RBFOX1: variants seen among roughly 807,000 people sequenced by gnomAD.
The protein encoded by RBFOX1 is RNA binding fox-1 homolog 1.
In RBFOX1, 8 loss-of-function variants were observed where a neutral mutation model predicts 57.7. That is an observed-to-expected ratio of 0.14 (90% CI 0.08 to 0.25). RBFOX1 has a LOEUF of 0.25. Among genes scored for constraint, RBFOX1 ranks in the 10% least tolerant of loss-of-function variants. The pLI is 1.00. For synonymous variants in RBFOX1, 326 were observed against 222.4 expected (o/e 1.47, Z -4.15); for missense variants, 611 against 548.5 (o/e 1.11, Z -1.14).
At chr16:6,201,825 TAAAGA>T (rs1297963991) in intron 1 of RBFOX1, among the ~76,000 whole-genome samples, 3 of 152,124 alleles carry the variant, frequency 2.0e-5, no homozygotes, top group African/African-American at 7.2e-5. Context: ...TAATTAAAAA[TAAAGA>T]AAATTTTTAA....
chr16:5,810,386 A>G (rs2055379374), intron 3 of RBFOX1, among the ~76,000 whole-genome samples: 1 of 152,186 alleles, frequency 6.6e-6, no homozygotes, highest in African/African-American at 2.4e-5. Context: ...GAGGCCTCAG[A>G]ATAAACCAAT....
chr16:7,671,501 CTCTTT>C lies in RBFOX1; in HGVS notation c.931-5271_931-5267del, dbSNP rs574397945. ...CTGGAATTTGTCTGACTTATGCATTCTCTTTTATTTATTTCATTTTTGCATTGAAA... is the reference window on the plus strand; with the variant it reads ...CTGGAATTTGTCTGACTTATGCATTCTATTTATTTCATTTTTGCATTGAAA... On this transcript the variant is annotated intron_variant, in intron 13 of 15. Transcript: ENST00000550418. 8,770 of 1,484,264 alleles carry C rather than the reference CTCTTT, an allele frequency of 5.9e-3. 46 individuals carry two copies. The highest frequency in any genetic ancestry group is 7.3e-3 in the Non-Finnish European group (7,837 of 1,069,072). 91.9% of individuals were successfully genotyped at this position (1,484,264 alleles called of 1,614,324 possible). A position where few individuals can be genotyped will look rare whatever the true frequency, so the allele number is the denominator to read the frequency against.
intron 4 of RBFOX1, among the ~76,000 whole-genome samples, chr16:5,926,690 G>C (rs972280411): frequency 1.3e-5 from 2 of 152,162 alleles, no homozygotes; most frequent in East Asian, 1.9e-4. Flanking sequence ...TGAAGACTTG[G>C]GGTCTGCAAA....
intron 4 of RBFOX1, among the ~76,000 whole-genome samples, chr16:7,477,679 G>A (rs1459014101): frequency 6.6e-6 from 1 of 152,168 alleles, no homozygotes; most frequent in East Asian, 1.9e-4. Context: ...CACTGCATTG[G>A]TTTTAATTCC....
intron 3 of RBFOX1, among the ~76,000 whole-genome samples, chr16:6,679,878 G>GGTTTTTTT (rs1487919870): frequency 4.4e-5 from 5 of 114,304 alleles, no homozygotes; most frequent in African/African-American, 1.9e-4. Context: ...GTTTCTACTT[G>GGTTTTTTT]TTTTTTTTTT....
At chr16:6,727,432 T>C (rs2067495158) in intron 3 of RBFOX1, among the ~76,000 whole-genome samples, 1 of 152,116 alleles carries the variant, frequency 6.6e-6, no homozygotes, top group Non-Finnish European at 1.5e-5. Context: ...TTTCTTTTTT[T>C]CCTTCATATT....
intron 4 of RBFOX1, among the ~76,000 whole-genome samples, chr16:5,913,198 C>A (rs1352103459): frequency 6.6e-6 from 1 of 152,204 alleles, no homozygotes; most frequent in Non-Finnish European, 1.5e-5. Flanking sequence ...GAAAGCCACA[C>A]ACGGGTGCAT....
At chr16:5,982,276 T>A (rs1056967729) in intron 4 of RBFOX1, among the ~76,000 whole-genome samples, 1 of 152,092 alleles carries the variant, frequency 6.6e-6, no homozygotes, top group Non-Finnish European at 1.5e-5. Context: ...CATGAATTTT[T>A]TTTTTTCTTT....
At position 5,712,591 on chromosome 16, in the gene RBFOX1, A is replaced by T. The variant is rs1188227581; in HGVS notation, c.318+113630A>T. On this transcript the variant is annotated intron_variant, in intron 3 of 19. Transcript: ENST00000641259. ...TCATCTATGAGCTCACTTAATTCCC[A>T]TAACAGGTAGGTGACTTATGTGTTA... 2.0e-5 allele frequency among the ~76,000 whole-genome samples: 3 copies of T among 150,322 alleles called. No homozygotes were observed. In the Admixed American group the frequency reaches 2.0e-4, roughly 10 times the overall value.
At chr16:5,368,540 A>G (rs35201075) in intron 1 of RBFOX1, among the ~76,000 whole-genome samples, 26,238 of 152,158 alleles carry the variant, frequency 0.17, 2,667 homozygotes, top group Non-Finnish European at 0.22. Context: ...ATATTGGGTA[A>G]TCTAATTCTG....
At chr16:6,480,521 CTATT>C (rs1381782157) in intron 2 of RBFOX1, among the ~76,000 whole-genome samples, 12 of 152,174 alleles carry the variant, frequency 7.9e-5, no homozygotes, top group Non-Finnish European at 1.5e-4. Flanking sequence ...CTTTTAAAAA[CTATT>C]TAAAGTATCA....
chr16:7,204,344 A>G (rs1375502944), intron 4 of RBFOX1, among the ~76,000 whole-genome samples: 1 of 152,176 alleles, frequency 6.6e-6, no homozygotes, highest in Non-Finnish European at 1.5e-5. Flanking sequence ...TAGCATTCCC[A>G]TATTTATAAG....
At chr16:5,787,412 A>C (rs538717245) in intron 3 of RBFOX1, among the ~76,000 whole-genome samples, 23 of 152,302 alleles carry the variant, frequency 1.5e-4, no homozygotes, top group African/African-American at 5.1e-4. Flanking sequence ...CATCCATTGT[A>C]AGCCTCTCTA....
intron 2 of RBFOX1, among the ~76,000 whole-genome samples, chr16:6,569,743 C>G (rs537808520): frequency 9.1e-4 from 139 of 152,290 alleles, no homozygotes; most frequent in African/African-American, 2.6e-3. Flanking sequence ...TCCCTTCATT[C>G]TCTAGAGAAA....
At chr16:5,413,691 G>C (rs2067085278) in intron 1 of RBFOX1, among the ~76,000 whole-genome samples, 3 of 152,176 alleles carry the variant, frequency 2.0e-5, no homozygotes, top group Admixed American at 2.0e-4. Context: ...GGAAATAAGT[G>C]GTCAACAATT....
chr16:5,304,107 C>T (rs2063872753), intron 1 of RBFOX1, among the ~76,000 whole-genome samples: 1 of 152,176 alleles, frequency 6.6e-6, no homozygotes, highest in Non-Finnish European at 1.5e-5. Flanking sequence ...ATTTAAGTGA[C>T]ACAGCATAAT....
intron 3 of RBFOX1, among the ~76,000 whole-genome samples, chr16:7,020,197 C>G (rs138318068): frequency 1.1e-3 from 165 of 151,938 alleles, no homozygotes; most frequent in African/African-American, 3.8e-3. Context: ...AAAATATTTT[C>G]TTTTTTTTCT....
At chr16:6,222,427 G>C (rs2097380642) in intron 1 of RBFOX1, among the ~76,000 whole-genome samples, 1 of 151,766 alleles carries the variant, frequency 6.6e-6, no homozygotes, top group South Asian at 2.1e-4. Flanking sequence ...CCCTCCTTCT[G>C]CTTGCCTGGA....
chr16:6,391,920 G>A (rs2092622645), intron 2 of RBFOX1, among the ~76,000 whole-genome samples: 1 of 152,176 alleles, frequency 6.6e-6, no homozygotes, highest in Non-Finnish European at 1.5e-5. Context: ...CAGCGCTGAG[G>A]AGAGAGTGAA....
Sources: allele counts gnomAD v4.1 joint callset (sites outside exome capture counted in the v4.1 genomes callset), GRCh38; gene constraint gnomAD v4.1.1; transcripts MANE v1.5; gene names NCBI Gene and HGNC (gene_info 2026-07-23, HGNC 2026-07-21).